PPP1R12A: variants seen among roughly 807,000 people sequenced by gnomAD.
PPP1R12A encodes protein phosphatase 1 regulatory subunit 12A.
A neutral mutation model predicts 139.6 loss-of-function variants in PPP1R12A; 19 were observed. That is an observed-to-expected ratio of 0.14 (90% CI 0.09 to 0.20). PPP1R12A has a LOEUF of 0.20. Among genes scored for constraint, PPP1R12A ranks in the 10% least tolerant of loss-of-function variants. PPP1R12A has a pLI of 1.00. For synonymous variants in PPP1R12A, 427 were observed against 420.6 expected, an observed-to-expected ratio of 1.02 and a Z score of -0.19; for missense variants, 925 against 1,211.5, an observed-to-expected ratio of 0.76 and a Z score of 3.51.
At chr12:79,814,587 G>A (rs532106673) in intron 9 of PPP1R12A, among the ~76,000 whole-genome samples, 14 of 150,298 alleles carry the variant, frequency 9.3e-5, no homozygotes, top group Admixed American at 6.0e-4. Context: ...AGGCCGAGAC[G>A]GGTGGATCAC....
chr12:79,926,854 A>T (rs1394126065), intron 1 of PPP1R12A, among the ~76,000 whole-genome samples: 1 of 152,148 alleles, frequency 6.6e-6, no homozygotes, highest in Non-Finnish European at 1.5e-5. Context: ...AAAAGAATCA[A>T]ATATGTACAT....
At chr12:79,865,012 C>T (rs1881805538) in intron 2 of PPP1R12A, among the ~76,000 whole-genome samples, 1 of 151,964 alleles carries the variant, frequency 6.6e-6, no homozygotes, top group Admixed American at 6.6e-5. Context: ...AGAGACACAA[C>T]AAAAAAAGAG....
chr12:79,917,966 C>T (rs921093065), intron 1 of PPP1R12A, among the ~76,000 whole-genome samples: 14 of 152,166 alleles, frequency 9.2e-5, no homozygotes, highest in Middle Eastern at 3.4e-3. Flanking sequence ...ACTTGTAGAT[C>T]GTTACTACTA....
At chr12:79,797,044 T>C (rs923491022) in intron 16 of PPP1R12A, 94 bp from the exon 17 acceptor site, 26 of 1,411,782 alleles carry the variant, frequency 1.8e-5, no homozygotes, top group Admixed American at 4.5e-5. Flanking sequence ...AAAAGTAGTA[T>C]ACTAATCACG....
chr12:79,854,941 G>C (rs562099034), intron 2 of PPP1R12A, among the ~76,000 whole-genome samples: 1 of 152,012 alleles, frequency 6.6e-6, no homozygotes, highest in East Asian at 1.9e-4. Context: ...TCAAGGTGTT[G>C]GGATTATAGG....
At chr12:79,796,156 A>C (rs1383566063) in intron 17 of PPP1R12A, among the ~76,000 whole-genome samples, 1 of 152,110 alleles carries the variant, frequency 6.6e-6, no homozygotes, top group African/African-American at 2.4e-5. Context: ...ATTACTACTG[A>C]TATTATCATG....
rs774099537 is a variant in PPP1R12A at position 79,774,843 on chromosome 12, A to ATCT, written c.*1083_*1085dup. 6.6e-6 allele frequency: 1 copy of ATCT among 152,540 alleles called. No homozygotes were observed. Among genetic ancestry groups the ATCT allele is most frequent in the Non-Finnish European group, 1.5e-5 (1 of 68,000 alleles). The allele number at this position is 152,540 out of a possible 1,614,324, so 9.4% of individuals were successfully genotyped here. On this transcript the variant is annotated 3_prime_UTR_variant, in exon 25 of 25. Transcript: ENST00000450142. ...TAGGTATGTGAAATGTAAAGCAATT[A>ATCT]TCTTATGCAACTTTAATTATGGTTG...
chr12:79,782,088 A>C, intron 22 of PPP1R12A: 1 of 319,620 alleles, frequency 3.1e-6, no homozygotes, highest in Non-Finnish European at 5.7e-6. Context: ...GTTCTCTATC[A>C]CTTTTCCCCA....
chr12:79,877,403 G>C (rs924476869), intron 1 of PPP1R12A, among the ~76,000 whole-genome samples: 1 of 152,270 alleles, frequency 6.6e-6, no homozygotes, highest in African/African-American at 2.4e-5. Context: ...ATTTAATGAC[G>C]AAGAAACATA....
chr12:79,801,414 C>CTTCTCAAT (rs1565746799), intron 14 of PPP1R12A, among the ~76,000 whole-genome samples: 1 of 116,190 alleles, frequency 8.6e-6, no homozygotes, highest in Non-Finnish European at 1.7e-5. Context: ...CTTTAACATT[C>CTTCTCAAT]TTCTCAATTT....
chr12:79,779,758 C>G (rs1011967360), intron 23 of PPP1R12A: 4 of 175,184 alleles, frequency 2.3e-5, no homozygotes, highest in Admixed American at 1.1e-4. Context: ...TCCCTATGAG[C>G]CTCAATTTTA....
intron 23 of PPP1R12A, 44 bp downstream of exon 23, chr12:79,781,771 A>G (rs991913167): frequency 2.7e-5 from 34 of 1,257,560 alleles, no homozygotes; most frequent in Non-Finnish European, 3.4e-5. Context: ...GTTTACCTAA[A>G]ACAAGAAAGA....
At chr12:79,832,979 C>T (rs1345748629) in intron 3 of PPP1R12A, among the ~76,000 whole-genome samples, 1 of 152,122 alleles carries the variant, frequency 6.6e-6, no homozygotes, top group African/African-American at 2.4e-5. Context: ...TAGCAAACTC[C>T]CTTCATTTCC....
Position 79,806,349 on chromosome 12 carries a change from A to G in PPP1R12A, c.1656-16T>C, listed in dbSNP as rs764785620. On this transcript the variant is annotated splice_polypyrimidine_tract_variant and intron_variant, in intron 12 of 24. Transcript: ENST00000450142. ...AAAGGAGCAACTAAACAAAAGAGTC[A>G]TATCTATATAGGATGTGTTTGTATG... The G allele has an allele frequency of 2.3e-5, 37 of 1,604,422 alleles. 1 individual carries two copies. The South Asian group carries it at 3.1e-4, about 13-fold the overall frequency.
intron 12 of PPP1R12A, 115 bp downstream of exon 12, chr12:79,807,111 T>C (rs10778690): frequency 0.86 from 505,803 of 589,412 alleles, 221,846 homozygotes; most frequent in Non-Finnish European, 0.93. Flanking sequence ...CAAAAACTCG[T>C]ATTTAATAAA....
intron 2 of PPP1R12A, among the ~76,000 whole-genome samples, chr12:79,867,712 G>A (rs879820536): frequency 1.2e-4 from 18 of 151,986 alleles, no homozygotes; most frequent in East Asian, 5.8e-4. Context: ...TTCCATAATC[G>A]CCACGTGTTG....
chr12:79,840,842 A>G (rs576637231), intron 3 of PPP1R12A, among the ~76,000 whole-genome samples: 3 of 152,214 alleles, frequency 2.0e-5, no homozygotes, highest in African/African-American at 7.2e-5. Context: ...AACCAAATCC[A>G]ATCAAATTAA....
chr12:79,805,765 G>A lies in PPP1R12A; in HGVS notation c.1827C>T (p.Thr609=). 6.2e-7 allele frequency: 1 copy of A among 1,610,928 alleles called. No homozygotes were observed. The highest frequency in any genetic ancestry group is 1.1e-5 in the South Asian group (1 of 90,636). Residue 609 remains threonine, a synonymous_variant, in exon 14 of 25, where the codon ACC becomes ACT. Transcript: ENST00000450142. ...TATCCTCAGCCCACAAACGATTTGA[G>A]GTACTATAGCATCATAAGCAGCAAC... The part of the protein sequence containing the change: ...GSSSAGTQSS[T]SNRLWAEDST...
chr12:79,861,484 G>A (rs920570340), intron 2 of PPP1R12A, among the ~76,000 whole-genome samples: 3 of 152,218 alleles, frequency 2.0e-5, no homozygotes, highest in African/African-American at 4.8e-5. Flanking sequence ...AGCCCGCAGA[G>A]GGCGAGCTGA....
Sources: allele counts gnomAD v4.1 joint callset (sites outside exome capture counted in the v4.1 genomes callset), GRCh38; gene constraint gnomAD v4.1.1; transcripts MANE v1.5; gene names NCBI Gene and HGNC (gene_info 2026-07-23, HGNC 2026-07-21).